Variants in ZNF333 observed in about 807,000 individuals in gnomAD.
ZNF333 encodes zinc finger protein 333.
A neutral mutation model predicts 76.1 loss-of-function variants in ZNF333; 61 were observed. The observed-to-expected ratio is 0.80, with a 90% CI of 0.65 to 0.99. The LOEUF (loss-of-function observed/expected upper bound fraction) is 0.99, where lower values mean the gene tolerates loss of function less well. ZNF333 is among the 50% of genes least tolerant of loss of function. The probability of loss-of-function intolerance (pLI) is 0.00; values close to 1 mark genes in which losing one functional copy is unlikely to be tolerated. For synonymous variants in ZNF333, 284 were observed against 305.0 expected, an observed-to-expected ratio of 0.93 and a Z score of 0.72; for missense variants, 717 against 822.4, an observed-to-expected ratio of 0.87 and a Z score of 1.57.
intron 11 of ZNF333, among the ~76,000 whole-genome samples, chr19:14,728,219 A>G (rs1244155214): frequency 6.6e-6 from 1 of 152,242 alleles, no homozygotes; most frequent in African/African-American, 2.4e-5. Context: ...TCTCAAAAAA[A>G]AATTTTTTTT....
intron 9 of ZNF333, 31 bp from the exon 10 acceptor site, chr19:14,716,963 C>T (rs751580300): frequency 2.0e-5 from 31 of 1,584,396 alleles, no homozygotes; most frequent in Non-Finnish European, 2.3e-5. Context: ...GCACAGTCCT[C>T]GCACAACATG....
chr19:14,706,773 GGTGA>G lies in ZNF333; in HGVS notation c.511+8_511+11del, dbSNP rs1275245684. 3 of 1,612,866 alleles carry G rather than the reference GGTGA, an allele frequency of 1.9e-6. No individual in the cohort carries two copies. Among genetic ancestry groups the G allele is most frequent in the African/African-American group, 2.7e-5 (2 of 74,886 alleles). ...CAACCCATGGGTGGCCAGGGATTCT[GGTGA>G]GTGAGTGCTGCGTGGAACACGTGGC... On this transcript the variant is annotated splice_donor_variant and splice_donor_region_variant and intron_variant, in intron 7 of 11. Coordinates refer to ENST00000292530, the MANE Select transcript of ZNF333 (RefSeq NM_032433.4). LOFTEE classifies it high-confidence loss of function.
chr19:14,698,137 G>C (rs1170071639), intron 4 of ZNF333, among the ~76,000 whole-genome samples: 1 of 151,934 alleles, frequency 6.6e-6, no homozygotes, highest in Non-Finnish European at 1.5e-5. Flanking sequence ...TGCAGTCCCG[G>C]CACTTTGGGT....
intron 4 of ZNF333, among the ~76,000 whole-genome samples, chr19:14,698,930 A>G (rs1973465744): frequency 6.8e-6 from 1 of 146,368 alleles, no homozygotes; most frequent in African/African-American, 2.5e-5. Context: ...ATATATATAT[A>G]TATATACACA....
exon 12 of ZNF333, chr19:14,733,456 C>A (rs965657724): frequency 1.3e-5 from 2 of 152,104 alleles, no homozygotes; most frequent in African/African-American, 2.4e-5. Context: ...AAACAGTGGG[C>A]CTTAATAAGC....
At chr19:14,710,409 T>C (rs2042241800) in intron 7 of ZNF333, among the ~76,000 whole-genome samples, 1 of 152,156 alleles carries the variant, frequency 6.6e-6, no homozygotes, top group South Asian at 2.1e-4. Flanking sequence ...GTCTTGATGA[T>C]CCACTAGGAG....
At chr19:14,715,056 TGTGTGC>T in intron 7 of ZNF333, 2 of 230,328 alleles carry the variant, frequency 8.7e-6, no homozygotes, top group Non-Finnish European at 1.7e-5. Flanking sequence ...TGTGTGTGTG[TGTGTGC>T]ACGTCTATAT....
chr19:14,699,682 G>A (rs555883060), intron 5 of ZNF333, among the ~76,000 whole-genome samples: 26 of 152,120 alleles, frequency 1.7e-4, no homozygotes, highest in East Asian at 1.2e-3. Flanking sequence ...GGCTGGTCTC[G>A]AACTCCTGGC....
rs1423650439 is a variant in ZNF333, at chr19:14,693,394, A to G, written c.-41-57A>G. 9.2e-6 allele frequency: 13 copies of G among 1,409,486 alleles called. No individual in the cohort carries two copies. The East Asian group carries it at 3.1e-4, about 33-fold the overall frequency. The allele number at this position is 1,409,486 out of a possible 1,614,324, so 87.3% of individuals were successfully genotyped here. A position where few individuals can be genotyped will look rare whatever the true frequency, so the allele number is the denominator to read the frequency against. ...TGACCACTCTGCTGGAGATCCCCCA[A>G]AATGCTCTGCTTCCGTCCTCACCCC... On this transcript the variant is annotated intron_variant, in intron 1 of 11. Coordinates refer to ENST00000292530, the MANE Select transcript of ZNF333 (RefSeq NM_032433.4).
chr19:14,710,999 A>G (rs995152472), intron 7 of ZNF333, among the ~76,000 whole-genome samples: 1 of 151,758 alleles, frequency 6.6e-6, no homozygotes. Context: ...GGGAAGGGGG[A>G]AAGGTGCCAG....
At chr19:14,698,160 G>A (rs1973359283) in intron 4 of ZNF333, among the ~76,000 whole-genome samples, 1 of 151,678 alleles carries the variant, frequency 6.6e-6, no homozygotes, top group African/African-American at 2.4e-5. Context: ...ATCACTTCAG[G>A]TCAGGAGTTC....
intron 3 of ZNF333, 34 bp downstream of exon 3, chr19:14,695,167 G>A (rs1448380522): frequency 1.9e-6 from 3 of 1,603,450 alleles, no homozygotes; most frequent in African/African-American, 2.7e-5. Flanking sequence ...CTTCCTGTAC[G>A]CAGGCACTAA....
chr19:14,702,703 A>G (rs2146970984), intron 5 of ZNF333, among the ~76,000 whole-genome samples: 1 of 152,262 alleles, frequency 6.6e-6, no homozygotes, highest in East Asian at 1.9e-4. Context: ...AGCAGTGCCC[A>G]TGTCTTAGTC....
intron 7 of ZNF333, chr19:14,708,460 A>G: frequency 2.5e-6 from 1 of 398,656 alleles, no homozygotes; most frequent in Non-Finnish European, 4.4e-6. Context: ...AACAGAGTCC[A>G]GTGGAAGTGT....
chr19:14,713,240 C>T (rs1353850796), intron 7 of ZNF333, among the ~76,000 whole-genome samples: 3 of 152,062 alleles, frequency 2.0e-5, no homozygotes, highest in Non-Finnish European at 2.9e-5. Context: ...ATTCCCATTT[C>T]AAAAGGAGAA....
downstream of ZNF333, among the ~76,000 whole-genome samples, chr19:14,724,532 G>A (rs954901634): frequency 2.6e-5 from 4 of 152,164 alleles, no homozygotes; most frequent in Admixed American, 1.3e-4. Flanking sequence ...TTGGGAGGCC[G>A]AGGCGGGTGG....
intron 4 of ZNF333, 41 bp from the exon 5 acceptor site, chr19:14,699,158 T>G (rs1440426878): frequency 6.8e-7 from 1 of 1,469,434 alleles, no homozygotes; most frequent in African/African-American, 1.4e-5. Flanking sequence ...TGTCACTATT[T>G]CTTTCTGAAA....
In ZNF333 at chr19:14,719,998, C is replaced by A; in HGVS notation, c.*673C>A. The A allele has an allele frequency of 2.3e-6, 2 of 874,714 alleles. No homozygotes were observed. The highest frequency in any genetic ancestry group is 2.7e-6 in the Non-Finnish European group (2 of 728,942). The allele number at this position is 874,714 out of a possible 1,614,324, so 54.2% of individuals were successfully genotyped here. On this transcript the variant is annotated 3_prime_UTR_variant, in exon 12 of 12. Coordinates refer to ENST00000292530, the MANE Select transcript of ZNF333 (RefSeq NM_032433.4). Reference sequence around the variant, plus strand: ...GTCAGGAGTTCGAGATCAGCCTGGCCAACATGGTGAAATCCCCTCTCTACT... The same window carrying A: ...GTCAGGAGTTCGAGATCAGCCTGGCAAACATGGTGAAATCCCCTCTCTACT...
At chr19:14,713,550 G>A (rs958985056) in intron 7 of ZNF333, among the ~76,000 whole-genome samples, 1 of 152,156 alleles carries the variant, frequency 6.6e-6, no homozygotes, top group Non-Finnish European at 1.5e-5. Flanking sequence ...AGGGAGACAC[G>A]AAGAGGAGGG....
Sources: allele counts gnomAD v4.1 joint callset (sites outside exome capture counted in the v4.1 genomes callset), GRCh38; gene constraint gnomAD v4.1.1; transcripts MANE v1.5; gene names NCBI Gene and HGNC (gene_info 2026-07-23, HGNC 2026-07-21).